Variants in FMN1 observed in about 807,000 individuals in gnomAD.
FMN1 encodes the protein formin 1, also known as formin-1.
FMN1 carries 110 observed loss-of-function variants against 132.4 expected under a neutral mutation model. That is an observed-to-expected ratio of 0.83 (90% CI 0.71 to 0.97). The LOEUF is 0.97. FMN1 is among the 50% of genes least tolerant of loss of function. FMN1 has a pLI of 0.00. For missense variants in FMN1, 1,792 were observed against 1,705.3 expected (o/e 1.05, Z -0.90); for synonymous variants, 722 against 651.7 (o/e 1.11, Z -1.64).
At chr15:32,810,549 GAA>G (rs1010039979) in intron 17 of FMN1, among the ~76,000 whole-genome samples, 13 of 152,118 alleles carry the variant, frequency 8.5e-5, no homozygotes, top group Non-Finnish European at 1.8e-4. Flanking sequence ...TTGAAAAAGA[GAA>G]AGTTTTTATA....
chr15:33,114,302 T>G (rs1210796094), intron 4 of FMN1, among the ~76,000 whole-genome samples: 1 of 152,224 alleles, frequency 6.6e-6, no homozygotes, highest in East Asian at 1.9e-4. Context: ...CTCTAAAGTA[T>G]AGCATCCTAA....
intron 16 of FMN1, 150 bp from the exon 17 acceptor site, chr15:32,857,257 G>A: frequency 1.6e-6 from 1 of 634,988 alleles, no homozygotes; most frequent in South Asian, 2.0e-5. Context: ...GGGGGCAGGG[G>A]GAACAAAACC....
intron 5 of FMN1, chr15:33,067,638 C>T: frequency 6.2e-7 from 1 of 1,614,046 alleles, no homozygotes; most frequent in Non-Finnish European, 8.5e-7. Context: ...CGAGACCCTG[C>T]TTCCTGTGGA....
At chr15:33,012,781 A>C in intron 6 of FMN1, 2 of 706,672 alleles carry the variant, frequency 2.8e-6, no homozygotes, top group East Asian at 5.4e-5. Flanking sequence ...AGAAAACTTC[A>C]GTGGTCATGG....
At position 32,901,976 on chromosome 15, in the gene FMN1, A is replaced by G; in HGVS notation, c.3442T>C (p.Ser1148Pro). The G allele has an allele frequency of 6.2e-7, 1 of 1,613,450 alleles. No individual in the cohort carries two copies. The highest frequency in any genetic ancestry group is 1.7e-5 in the Admixed American group (1 of 60,000). ...GAGGTGATACCCTCAGAAAAGACAG[A>G]TCTGAAGATTATGCACTGGGCACGT... ...AERAQCIIFR[S>P]VFSEGITSLH... The change falls in exon 13 of 21, where the codon TCT becomes CCT. Residue 1148 changes from serine to proline, a missense_variant. Coordinates refer to ENST00000616417, the MANE Select transcript of FMN1 (RefSeq NM_001277313.2).
At chr15:32,881,958 T>C (rs1035167508) in intron 16 of FMN1, among the ~76,000 whole-genome samples, 1 of 152,196 alleles carries the variant, frequency 6.6e-6, no homozygotes, top group Non-Finnish European at 1.5e-5. Flanking sequence ...ATCAGACTAG[T>C]ATGCTTTCTT....
intron 17 of FMN1, among the ~76,000 whole-genome samples, chr15:32,835,285 A>C (rs2058596542): frequency 6.6e-6 from 1 of 152,230 alleles, no homozygotes; most frequent in Admixed American, 6.5e-5. Flanking sequence ...AATAAGAGGC[A>C]TCTCTTATTT....
At chr15:32,953,825 C>T (rs1014933877) in intron 9 of FMN1, among the ~76,000 whole-genome samples, 3 of 152,118 alleles carry the variant, frequency 2.0e-5, no homozygotes, top group African/African-American at 4.8e-5. Context: ...TACTGTATAC[C>T]GGAAGGTGGG....
Position 32,972,220 on chromosome 15 carries a change from C to T in FMN1, c.2224-2743G>A, listed in dbSNP as rs114697227. Among the ~76,000 whole-genome samples, 1,250 of 152,302 alleles carry T rather than the reference C, an allele frequency of 8.2e-3. 23 individuals carry two copies. Among genetic ancestry groups the T allele is most frequent in the African/African-American group, 0.029 (1,200 of 41,562 alleles). On this transcript the variant is annotated intron_variant, in intron 7 of 20. Coordinates refer to ENST00000616417, the MANE Select transcript of FMN1 (RefSeq NM_001277313.2). ...GATCAGAGCCCAGTGGCCCCATTAG[C>T]TTGCTCTTGGCTCTGGGTACGCTTC... is the stretch of plus-strand genomic sequence containing the variant.
At position 32,992,837 on chromosome 15, in the gene FMN1, A is replaced by G. The variant is rs139840966; in HGVS notation, c.2223+15177T>C. 5.7e-3 allele frequency among the ~76,000 whole-genome samples: 874 copies of G among 152,326 alleles called. 6 individuals are homozygous for G. The highest frequency in any genetic ancestry group is 0.02 in the African/African-American group (825 of 41,572). On this transcript the variant is annotated intron_variant, in intron 7 of 20. Transcript: ENST00000616417. The stretch of plus-strand genomic sequence containing the variant: ...TGGGTCATAAAAATCGTTCATTTTT[A>G]CGGAGTAAAATATCAGTTTGGGCTC...
At chr15:33,078,188 G>A (rs952114615) in intron 5 of FMN1, among the ~76,000 whole-genome samples, 1 of 152,114 alleles carries the variant, frequency 6.6e-6, no homozygotes, top group Non-Finnish European at 1.5e-5. Flanking sequence ...GCGTAAAATG[G>A]GAAAAATAAT....
intron 4 of FMN1, among the ~76,000 whole-genome samples, chr15:33,143,505 G>A (rs1964091743): frequency 6.6e-6 from 1 of 152,178 alleles, no homozygotes; most frequent in African/African-American, 2.4e-5. Flanking sequence ...TCTTTGAGGA[G>A]AGATTTTTTT....
chr15:32,832,508 G>A (rs139610625), intron 17 of FMN1, among the ~76,000 whole-genome samples: 9 of 152,218 alleles, frequency 5.9e-5, no homozygotes, highest in Admixed American at 1.3e-4. Flanking sequence ...GGCTGGGTGC[G>A]GTGGCTCACA....
chr15:33,096,894 G>A lies in FMN1; in HGVS notation c.1868-7920C>T, dbSNP rs896132930. Among the ~76,000 whole-genome samples, 9 of 152,196 alleles carry A rather than the reference G, an allele frequency of 5.9e-5. No individual in the cohort carries two copies. In the East Asian group the frequency reaches 7.7e-4, roughly 13 times the overall value. ...TGGGATTACAGGCATGCACCAACTCGCCTCGCTGCCCCATTTTTATTTACA... is the reference window on the plus strand; with the variant it reads ...TGGGATTACAGGCATGCACCAACTCACCTCGCTGCCCCATTTTTATTTACA... On this transcript the variant is annotated intron_variant, in intron 4 of 20. Coordinates refer to ENST00000616417, the MANE Select transcript of FMN1 (RefSeq NM_001277313.2).
At chr15:32,984,840 G>T (rs2032951554) in intron 7 of FMN1, among the ~76,000 whole-genome samples, 2 of 151,918 alleles carry the variant, frequency 1.3e-5, no homozygotes, top group Non-Finnish European at 2.9e-5. Context: ...GAAATCACTT[G>T]TGTACAAGAC....
At chr15:33,102,816 C>T (rs2039344441) in intron 4 of FMN1, among the ~76,000 whole-genome samples, 1 of 152,004 alleles carries the variant, frequency 6.6e-6, no homozygotes, top group Non-Finnish European at 1.5e-5. Context: ...TATAATAAAA[C>T]TTTCTCATAT....
intron 3 of FMN1, among the ~76,000 whole-genome samples, chr15:33,176,536 C>T (rs1336249508): frequency 1.4e-5 from 2 of 146,476 alleles, no homozygotes; most frequent in Non-Finnish European, 3.0e-5. Context: ...AAAATCATTC[C>T]TGGAGTTCCC....
intron 19 of FMN1, among the ~76,000 whole-genome samples, chr15:32,795,309 A>G (rs2057245333): frequency 6.6e-6 from 1 of 152,184 alleles, no homozygotes; most frequent in South Asian, 2.1e-4. Flanking sequence ...CTGGCACCTA[A>G]TCTCTCTCCC....
At chr15:32,911,140 C>A (rs1427944948) in intron 10 of FMN1, among the ~76,000 whole-genome samples, 1 of 152,178 alleles carries the variant, frequency 6.6e-6, no homozygotes, top group East Asian at 1.9e-4. Context: ...TATTAGGATT[C>A]TACTTGTTCT....
Sources: gnomAD v4.1 joint callset for allele counts (sites outside exome capture counted in the v4.1 genomes callset) on GRCh38, gnomAD v4.1.1 for gene constraint, MANE v1.5 for transcripts, NCBI Gene and HGNC (gene_info 2026-07-23, HGNC 2026-07-21) for gene names.